The following HSPG2 variants were observed in gnomAD, a reference collection of about 807,000 sequenced individuals.
HSPG2 encodes the protein heparan sulfate proteoglycan 2.
Under a neutral mutation model 526.6 loss-of-function variants are expected in HSPG2, and 278 were observed. The ratio of observed to expected loss-of-function variants is 0.53; its 90% CI spans 0.48 to 0.58. HSPG2 has a LOEUF of 0.58. Ranked by LOEUF, HSPG2 falls within the 20% of genes least tolerant of loss-of-function variation. The probability of loss-of-function intolerance (pLI) is 0.00; values close to 1 mark genes in which losing one functional copy is unlikely to be tolerated. For missense variants in HSPG2, 5,354 were observed against 6,099.5 expected (o/e 0.88, Z 4.07); for synonymous variants, 2,465 against 2,555.4 (o/e 0.96, Z 1.07).
At chr1:21,851,252 C>T (rs1308589061) in intron 55 of HSPG2, 3 of 454,250 alleles carry the variant, frequency 6.6e-6, no homozygotes, top group South Asian at 2.1e-5. Flanking sequence ...GGATTACAGG[C>T]GTAAGCCACC....
intron 1 of HSPG2, among the ~76,000 whole-genome samples, chr1:21,932,408 G>A (rs1269770625): frequency 6.6e-6 from 1 of 152,210 alleles, no homozygotes; most frequent in African/African-American, 2.4e-5. Flanking sequence ...CCTCTGCTTA[G>A]AGAATGGGGA....
chr1:21,872,957 G>A lies in HSPG2; in HGVS notation c.3888+40C>T. On this transcript the variant is annotated intron_variant, in intron 31 of 96. Transcript: ENST00000374695. This position sits in a 1 kb window ranked among gnomAD's most constrained non-coding sequence, Gnocchi z 5.5. Reference sequence around the variant, plus strand: ...ATTTCCCCGCAGGGTCTGGGCAGCGGGGCAGAGCAGGCCCCGCAGGGACAG... The same window carrying A: ...ATTTCCCCGCAGGGTCTGGGCAGCGAGGCAGAGCAGGCCCCGCAGGGACAG... 2 of 1,587,042 alleles carry A rather than the reference G, an allele frequency of 1.3e-6. No homozygotes were observed. The highest frequency in any genetic ancestry group is 8.6e-7 in the Non-Finnish European group (1 of 1,156,404).
chr1:21,873,077 G>A lies in HSPG2; in HGVS notation c.3808C>T (p.Pro1270Ser). The A allele has an allele frequency of 1.2e-6, 2 of 1,601,090 alleles. No individual in the cohort carries two copies. Among genetic ancestry groups the A allele is most frequent in the Non-Finnish European group, 1.7e-6 (2 of 1,179,804 alleles). ...GQPCQRDSQV[P>S]GPIGCNCDPQ... ...TCACAGTTGCAGCCTATGGGCCCTG[G>A]CACCTGGCTGTCTCCTGAGGTGGAA... Residue 1270 changes from proline (P) to serine (S), a missense_variant, in exon 31 of 97, where the codon CCA (proline) becomes TCA (serine). Physicochemically the swap from Pro to Ser is moderately conservative, Grantham distance 74 (BLOSUM62 -1). Transcript: ENST00000374695.
At chr1:21,896,434 C>T in intron 1 of HSPG2, 124 bp from the exon 2 acceptor site, 3 of 1,191,082 alleles carry the variant, frequency 2.5e-6, no homozygotes, top group Non-Finnish European at 3.7e-6. Flanking sequence ...TTAAATTTGA[C>T]TTAGTATGGC....
At position 21,858,454 on chromosome 1, in the gene HSPG2, C is replaced by T. The variant is rs1270647380; in HGVS notation, c.5294-1069G>A. On this transcript the variant is annotated intron_variant, in intron 42 of 96. Transcript: ENST00000374695. This position sits in a 1 kb window ranked among gnomAD's most constrained non-coding sequence, Gnocchi z 4.2. The stretch of plus-strand genomic sequence containing the variant: ...TCTCCCTAGGTGACTTCATCCTGTC[C>T]CATAGCTTTGAACACCATCCCTGTG... Among the ~76,000 whole-genome samples the T allele has an allele frequency of 2.6e-5, 4 of 152,192 alleles. No individual in the cohort carries two copies. The highest frequency in any genetic ancestry group is 4.4e-5 in the Non-Finnish European group (3 of 68,032).
At position 21,904,877 on chromosome 1, in the gene HSPG2, G is replaced by A. The variant is rs1207256336; in HGVS notation, c.64-8567C>T. Among the ~76,000 whole-genome samples, 1 of 152,190 alleles carries A rather than the reference G, an allele frequency of 6.6e-6. No homozygotes were observed. Among genetic ancestry groups the A allele is most frequent in the African/African-American group, 2.4e-5 (1 of 41,450 alleles). The stretch of plus-strand genomic sequence containing the variant: ...GCTGCCCTGCTGCCCTGGCAGGTCT[G>A]TGGGGCTTCAAGGGCACACCAACCT... On this transcript the variant is annotated intron_variant, in intron 1 of 96. Coordinates refer to ENST00000374695, the MANE Select transcript of HSPG2 (RefSeq NM_005529.7). This position sits in a 1 kb window ranked among gnomAD's most constrained non-coding sequence, Gnocchi z 4.4.
At chr1:21,840,550 C>T (rs896926583) in intron 71 of HSPG2, among the ~76,000 whole-genome samples, 1 of 152,170 alleles carries the variant, frequency 6.6e-6, no homozygotes, top group Non-Finnish European at 1.5e-5. Flanking sequence ...TTGTGATCCG[C>T]CCGCCTCAGC....
At chr1:21,909,680 T>A (rs1643560098) in intron 1 of HSPG2, among the ~76,000 whole-genome samples, 1 of 152,220 alleles carries the variant, frequency 6.6e-6, no homozygotes. Context: ...GGAGCTGGAA[T>A]GGCAGTCCAG....
Position 21,893,557 on chromosome 1 carries a change from G to A in HSPG2, c.244+2365C>T, listed in dbSNP as rs533655520. 5.3e-5 allele frequency among the ~76,000 whole-genome samples: 8 copies of A among 151,858 alleles called. No homozygotes were observed. The highest frequency in any genetic ancestry group is 1.4e-4 in the African/African-American group (6 of 41,428). ...GGGAGGGAGGCAGAGGGAGAGCAGCGCTCCCACCTGGCCAGGGCCTGGGTC... is the reference window on the plus strand; with the variant it reads ...GGGAGGGAGGCAGAGGGAGAGCAGCACTCCCACCTGGCCAGGGCCTGGGTC... On this transcript the variant is annotated intron_variant, in intron 3 of 96. Transcript: ENST00000374695. The surrounding 1 kb of genome is among the most constrained non-coding windows in gnomAD (Gnocchi z 4.3).
intron 2 of HSPG2, 72 bp from the exon 3 acceptor site, chr1:21,896,038 T>C: frequency 1.3e-6 from 2 of 1,591,436 alleles, no homozygotes; most frequent in Non-Finnish European, 1.7e-6. Context: ...TCAGGCACTG[T>C]TCTGGGCACC....
At chr1:21,933,539 A>T (rs986497962) in intron 1 of HSPG2, among the ~76,000 whole-genome samples, 2 of 152,188 alleles carry the variant, frequency 1.3e-5, no homozygotes, top group African/African-American at 4.8e-5. Context: ...CCCTGAACCC[A>T]GTCACCTCCT....
intron 1 of HSPG2, among the ~76,000 whole-genome samples, chr1:21,899,493 G>C (rs868571303): frequency 2.0e-5 from 3 of 152,266 alleles, no homozygotes; most frequent in Middle Eastern, 3.4e-3. Flanking sequence ...AAAGAGAGCA[G>C]AGAAAGTCAG....
rs1258503063 is a variant in HSPG2 at position 21,929,630 on chromosome 1, C to T, written c.63+7525G>A. ...AATTTTTATTGTCCAAACAAGAGAT[C>T]GTAAGAGAAGACACAAATAAATTAA... On this transcript the variant is annotated intron_variant, in intron 1 of 96. Coordinates refer to ENST00000374695, the MANE Select transcript of HSPG2 (RefSeq NM_005529.7). 7.6e-5 allele frequency among the ~76,000 whole-genome samples: 11 copies of T among 144,574 alleles called. No individual in the cohort carries two copies. The South Asian group carries it at 1.4e-3, about 18-fold the overall frequency. 94.8% of individuals were successfully genotyped at this position (144,574 alleles called of 152,430 possible). A position where few individuals can be genotyped will look rare whatever the true frequency, so the allele number is the denominator to read the frequency against.
At chr1:21,920,607 C>T (rs1569606311) in intron 1 of HSPG2, among the ~76,000 whole-genome samples, 1 of 152,210 alleles carries the variant, frequency 6.6e-6, no homozygotes, top group Non-Finnish European at 1.5e-5. Context: ...GTGAACTGAC[C>T]GTACTCTCTC....
intron 44 of HSPG2, 47 bp downstream of exon 44, chr1:21,856,968 T>G: frequency 6.4e-7 from 1 of 1,572,644 alleles, no homozygotes; most frequent in South Asian, 1.1e-5. Context: ...CTGGTGGGAA[T>G]GGGGGAGAGA....
In HSPG2 at chr1:21,831,450, G is replaced by A. The variant is rs754040263; in HGVS notation, c.11452+13C>T. 1.2e-6 allele frequency: 2 copies of A among 1,612,952 alleles called. No homozygotes were observed. The highest frequency in any genetic ancestry group is 1.7e-6 in the Non-Finnish European group (2 of 1,179,064). On this transcript the variant is annotated intron_variant, in intron 83 of 96. Coordinates refer to ENST00000374695, the MANE Select transcript of HSPG2 (RefSeq NM_005529.7). ...AAGGCCCAGCCTCAGCTGGAGGTGG[G>A]GAGGGGGCTCACCTATGAAGCCGCT...
At chr1:21,876,714 C>T (rs923538054) in intron 21 of HSPG2, 62 bp from the exon 22 acceptor site, 154 of 1,605,916 alleles carry the variant, frequency 9.6e-5, no homozygotes, top group South Asian at 8.0e-4. Context: ...GAGCTCTGGC[C>T]GAATCCACCC....
At chr1:21,853,751 A>AAAAATAAAATAAAATAAAATAAAAT (rs60801691) in intron 50 of HSPG2, 48 of 148,146 alleles carry the variant, frequency 3.2e-4, no homozygotes, top group African/African-American at 1.2e-3. Context: ...TCTCTCTCAA[A>AAAAATAAAATAAAATAAAATAAAAT]AAAATAAAAT....
At chr1:21,870,618 A>G (rs1204247727) in intron 33 of HSPG2, among the ~76,000 whole-genome samples, 2 of 152,240 alleles carry the variant, frequency 1.3e-5, no homozygotes, top group Non-Finnish European at 2.9e-5. Context: ...TTCTGACTTC[A>G]GACAGTTGGC....
Sources: gnomAD v4.1 joint callset for allele counts (sites outside exome capture counted in the v4.1 genomes callset) on GRCh38, gnomAD v4.1.1 for gene constraint, Gnocchi (gnomAD v3.1) non-coding constraint, MANE v1.5 for transcripts, NCBI Gene and HGNC (gene_info 2026-07-23, HGNC 2026-07-21) for gene names.